The following FRAS1 variants were observed in gnomAD, a reference collection of about 807,000 sequenced individuals.
FRAS1 encodes Fraser extracellular matrix complex subunit 1.
A neutral mutation model predicts 435.2 loss-of-function variants in FRAS1; 290 were observed. The observed-to-expected ratio is 0.67, with a 90% confidence interval of 0.61 to 0.73. The LOEUF is 0.73. Ranked by LOEUF, FRAS1 falls within the 30% of genes least tolerant of loss-of-function variation. FRAS1 has a pLI of 0.00. For missense variants in FRAS1, 4,860 were observed against 5,001.5 expected (o/e 0.97, Z 0.85); for synonymous variants, 1,800 against 1,851.0 (o/e 0.97, Z 0.71).
chr4:78,287,050 T>G (rs1290899930), intron 14 of FRAS1, among the ~76,000 whole-genome samples: 1 of 152,192 alleles, frequency 6.6e-6, no homozygotes, highest in Non-Finnish European at 1.5e-5. Flanking sequence ...AGAGGTTTCA[T>G]TGACTCACAG....
intron 58 of FRAS1, among the ~76,000 whole-genome samples, chr4:78,483,496 T>C (rs971554177): frequency 2.0e-5 from 3 of 152,018 alleles, no homozygotes; most frequent in Non-Finnish European, 2.9e-5. Context: ...TTCCCAGAGA[T>C]TGGCCATAGA....
intron 47 of FRAS1, among the ~76,000 whole-genome samples, chr4:78,455,639 C>T (rs899700794): frequency 6.6e-6 from 1 of 152,110 alleles, no homozygotes; most frequent in East Asian, 1.9e-4. Flanking sequence ...CCTCTGTAGA[C>T]AGGAAAGGTG....
intron 61 of FRAS1, 133 bp downstream of exon 61, chr4:78,500,054 C>T: frequency 1.6e-6 from 1 of 641,036 alleles, no homozygotes; most frequent in Non-Finnish European, 2.4e-6. Flanking sequence ...TTTTTAAGCA[C>T]ACATTTGAGA....
chr4:78,467,167 A>T (rs1719558222), intron 50 of FRAS1, among the ~76,000 whole-genome samples: 1 of 152,214 alleles, frequency 6.6e-6, no homozygotes, highest in Non-Finnish European at 1.5e-5. Context: ...AGCAAAAACT[A>T]TGCCTTATTC....
intron 12 of FRAS1, 111 bp downstream of exon 12, chr4:78,283,078 T>C: frequency 1.3e-6 from 1 of 780,758 alleles, no homozygotes; most frequent in Non-Finnish European, 1.8e-6. Context: ...AGTTAACCAA[T>C]GGGTTTGTTT....
At chr4:78,226,580 A>G (rs1724283514) in intron 2 of FRAS1, among the ~76,000 whole-genome samples, 1 of 151,686 alleles carries the variant, frequency 6.6e-6, no homozygotes, top group Admixed American at 6.6e-5. Flanking sequence ...TTATTTGAAA[A>G]TAATTTCCTA....
In FRAS1 at chr4:78,112,303, G is replaced by A. The variant is rs190874967; in HGVS notation, c.108+46287G>A. Among the ~76,000 whole-genome samples the A allele has an allele frequency of 2.2e-4, 33 of 152,212 alleles. No homozygotes were observed. In the East Asian group the frequency reaches 5.0e-3, roughly 23 times the overall value. On this transcript the variant is annotated intron_variant, in intron 2 of 73. Coordinates refer to ENST00000512123, the MANE Select transcript of FRAS1 (RefSeq NM_025074.7). ...TCAACAAATACATATTGGGAACCTGGCTTTTTAAAAGACTCACCAATCACT... is the reference window on the plus strand; with the variant it reads ...TCAACAAATACATATTGGGAACCTGACTTTTTAAAAGACTCACCAATCACT...
In FRAS1 at chr4:78,363,992, C is replaced by G. The variant is rs74510691; in HGVS notation, c.2660C>G (p.Thr887Ser). 2.9e-3 allele frequency: 4,747 copies of G among 1,610,416 alleles called. 106 individuals carry two copies. In the African/African-American group the frequency reaches 0.054, roughly 18 times the overall value. ...GACACCAACCTCGTGCTGTCCCACA[C>G]TGGCACCTGCAGCACCACCTGCTTC... ...SCDTNLVLSH[T>S]GTCSTTCFPG... The change falls in exon 22 of 74, where the codon ACT becomes AGT. Residue 887 changes from threonine to serine, a missense_variant. Transcript: ENST00000512123.
At position 78,333,403 on chromosome 4, in the gene FRAS1, A is replaced by G. The variant is rs772292242; in HGVS notation, c.2269A>G (p.Ser757Gly). 3.1e-6 allele frequency: 5 copies of G among 1,611,328 alleles called. No homozygotes were observed. The highest frequency in any genetic ancestry group is 1.1e-5 in the South Asian group (1 of 90,100). The change falls in exon 19 of 74, where the codon AGT becomes GGT. Residue 757 changes from serine to glycine, a missense_variant. By Grantham distance (56) the Ser-to-Gly change is moderately conservative. Coordinates refer to ENST00000512123, the MANE Select transcript of FRAS1 (RefSeq NM_025074.7). ...CPDGYFHQEG[S>G]CTECHPTCRQ... ...AGATGGCTACTTTCACCAGGAAGGT[A>G]GTTGCACAGGTGAGTATGTAATGTG...
chr4:78,090,640 A>G (rs1406623411), intron 2 of FRAS1, among the ~76,000 whole-genome samples: 1 of 152,144 alleles, frequency 6.6e-6, no homozygotes, highest in Admixed American at 6.6e-5. Flanking sequence ...CACTGAAGCT[A>G]TACATCCACG....
chr4:78,303,752 T>A (rs1728549302), intron 14 of FRAS1, among the ~76,000 whole-genome samples: 2 of 152,132 alleles, frequency 1.3e-5, no homozygotes, highest in African/African-American at 4.8e-5. Flanking sequence ...AAGGAGATTT[T>A]GGGCTGAGAC....
In FRAS1 at chr4:78,448,182, TG is replaced by T. The variant is rs762001450; in HGVS notation, c.6142del (p.Val2048SerfsTer20). On this transcript the variant is annotated frameshift_variant, in exon 44 of 74. Transcript: ENST00000512123. LOFTEE classifies it high-confidence loss of function. Reference sequence around the variant, plus strand: ...GGGTATGTGCCTAGTGTCCCTGGCATGGTCGTGGATGAGTTCCAGTTCTCCC... The same window carrying T: ...GGGTATGTGCCTAGTGTCCCTGGCATGTCGTGGATGAGTTCCAGTTCTCCC... Reference protein sequence around the residue: ...LVGYVPSVPGMVVDEFQFSLT... With the variant: ...LVGYVPSVPGXVVDEFQFSLT... 7.4e-6 allele frequency: 12 copies of T among 1,613,614 alleles called. No homozygotes were observed. Among genetic ancestry groups the T allele is most frequent in the African/African-American group, 1.3e-5 (1 of 74,992 alleles).
At chr4:78,131,657 G>A (rs1719691018) in intron 2 of FRAS1, among the ~76,000 whole-genome samples, 1 of 152,192 alleles carries the variant, frequency 6.6e-6, no homozygotes, top group African/African-American at 2.4e-5. Flanking sequence ...TGTTAGGAGG[G>A]TGTGTGTCTC....
Position 78,354,337 on chromosome 4 carries a change from A to G in FRAS1, c.2423-9176A>G, listed in dbSNP as rs74590209. ...AATAGCCACAGACACTGAAGAAAGA[A>G]GTCTCATTTGGTTGGTTGGTTTTGT... On this transcript the variant is annotated intron_variant, in intron 20 of 73. Coordinates refer to ENST00000512123, the MANE Select transcript of FRAS1 (RefSeq NM_025074.7). Among the ~76,000 whole-genome samples, 76 of 152,310 alleles carry G rather than the reference A, an allele frequency of 5.0e-4. No homozygotes were observed. The East Asian group carries it at 9.5e-3, about 19-fold the overall frequency.
At chr4:78,290,115 C>A (rs1727815484) in intron 14 of FRAS1, among the ~76,000 whole-genome samples, 1 of 152,038 alleles carries the variant, frequency 6.6e-6, no homozygotes, top group South Asian at 2.1e-4. Flanking sequence ...AGAAAAAAAG[C>A]TAAAACAACC....
intron 33 of FRAS1, 25 bp from the exon 34 acceptor site, chr4:78,421,838 C>A (rs777876485): frequency 6.2e-7 from 1 of 1,613,104 alleles, no homozygotes; most frequent in African/African-American, 1.3e-5. Context: ...ACTGTTGATG[C>A]TGAGGCCAAA....
intron 29 of FRAS1, among the ~76,000 whole-genome samples, chr4:78,392,340 A>G (rs1374972034): frequency 6.6e-6 from 1 of 152,136 alleles, no homozygotes. Flanking sequence ...TACATTCAAC[A>G]TTAGTCATTT....
Position 78,337,800 on chromosome 4 carries a change from T to C in FRAS1, c.2405T>C (p.Leu802Pro). 6.2e-7 allele frequency: 1 copy of C among 1,613,886 alleles called. No individual in the cohort carries two copies. The highest frequency in any genetic ancestry group is 8.5e-7 in the Non-Finnish European group (1 of 1,179,836). The stretch of plus-strand genomic sequence containing the variant: ...TGCAGGGAAGAGCAGTTCCTCAACC[T>C]CGTGGGATACTGTGCTGGTGAGTGA... ...TSCREEQFLN[L>P]VGYCADCHHL... Residue 802 changes from leucine to proline, a missense_variant, in exon 20 of 74, where the codon CTC (leucine) becomes CCC (proline). Physicochemically the swap from Leu to Pro is moderately conservative, Grantham distance 98. Coordinates refer to ENST00000512123, the MANE Select transcript of FRAS1 (RefSeq NM_025074.7).
rs200809975 is a variant in FRAS1 at position 78,170,865 on chromosome 4, C to G, written c.109-66645C>G. ...CACTGCATCCTCAGGTGAAATTGCT[C>G]TGCCTTTGAATTCCTTTCTCAGGCC... is the stretch of plus-strand genomic sequence containing the variant. On this transcript the variant is annotated intron_variant, in intron 2 of 73. Transcript: ENST00000512123. Among the ~76,000 whole-genome samples, 6 of 152,076 alleles carry G rather than the reference C, an allele frequency of 3.9e-5. No individual in the cohort carries two copies. The East Asian group carries it at 7.7e-4, about 20-fold the overall frequency.
Sources: gnomAD v4.1 joint callset for allele counts (sites outside exome capture counted in the v4.1 genomes callset) on GRCh38, gnomAD v4.1.1 for gene constraint, MANE v1.5 for transcripts, NCBI Gene and HGNC (gene_info 2026-07-23, HGNC 2026-07-21) for gene names.